Variants in AGAP5 observed in about 807,000 individuals in gnomAD.
The protein encoded by AGAP5 is arf-GAP with GTPase, ANK repeat and PH domain-containing protein 5.
A neutral mutation model predicts 27.7 loss-of-function variants in AGAP5; 8 were observed. The observed-to-expected ratio is 0.29, with a 90% CI of 0.17 to 0.52. The LOEUF is 0.52. AGAP5 is among the 20% of genes least tolerant of loss of function. The pLI, the probability that AGAP5 is intolerant of heterozygous loss-of-function variation, is 0.97. For missense variants in AGAP5, 285 were observed against 880.8 expected, an observed-to-expected ratio of 0.32 and a Z score of 8.56; for synonymous variants, 111 against 338.0, an observed-to-expected ratio of 0.33 and a Z score of 7.37.
At chr10:73,695,956 C>T (rs1269542415) in intron 2 of AGAP5, among the ~76,000 whole-genome samples, 2 of 152,136 alleles carry the variant, frequency 1.3e-5, no homozygotes, top group Non-Finnish European at 2.9e-5. Flanking sequence ...TCTTTTCTAC[C>T]AGCTCCCATC....
intron 7 of AGAP5, among the ~76,000 whole-genome samples, 156 bp from the exon 8 acceptor site, chr10:73,676,230 G>A (rs2081977717): frequency 6.8e-6 from 1 of 146,688 alleles, no homozygotes; most frequent in South Asian, 2.2e-4. Flanking sequence ...GCCAAGGTGG[G>A]TGGATCACGA....
intron 5 of AGAP5, among the ~76,000 whole-genome samples, chr10:73,680,419 GTATT>G (rs1296087730): frequency 1.3e-5 from 2 of 149,718 alleles, no homozygotes; most frequent in African/African-American, 2.5e-5. Flanking sequence ...TTTATTTTAT[GTATT>G]TATTTATTTT....
Position 73,674,337 on chromosome 10 carries a change from T to A in AGAP5, c.*262A>T, listed in dbSNP as rs561259934. On this transcript the variant is annotated 3_prime_UTR_variant, in exon 8 of 8. Coordinates refer to ENST00000374094, the MANE Select transcript of AGAP5 (RefSeq NM_001144000.4). ...CAAATATATTTTCACACATTTTATCTAAATACATAATACAGAAGCCTGTGT... is the reference window on the plus strand; with the variant it reads ...CAAATATATTTTCACACATTTTATCAAAATACATAATACAGAAGCCTGTGT... The A allele has an allele frequency of 0.015, 10,240 of 676,444 alleles. 206 individuals are homozygous for A. The highest frequency in any genetic ancestry group is 0.065 in the South Asian group (3,059 of 46,998). 41.9% of individuals were successfully genotyped at this position (676,444 alleles called of 1,614,324 possible).
Position 73,697,627 on chromosome 10 carries a change from C to T in AGAP5, c.129G>A (p.Ala43=), listed in dbSNP as rs372440999. ...EAGAGDRMAG[A]PMAAAVQPAE... ...CAGGCTGCACAGCAGCAGCCATGGGCGCTCCTGCCATCCTGTCCCCAGCTC... is the reference window on the plus strand; with the variant it reads ...CAGGCTGCACAGCAGCAGCCATGGGTGCTCCTGCCATCCTGTCCCCAGCTC... Residue 43 remains alanine (A), a synonymous_variant, in exon 1 of 8, where the codon GCG becomes GCA. Transcript: ENST00000374094. 1.7e-4 allele frequency: 275 copies of T among 1,607,676 alleles called. No homozygotes were observed. Among genetic ancestry groups the T allele is most frequent in the African/African-American group, 1.4e-3 (105 of 75,006 alleles).
Position 73,674,672 on chromosome 10 carries a change from T to C in AGAP5, c.1988A>G (p.Tyr663Cys), listed in dbSNP as rs1181448085. 4 of 1,611,898 alleles carry C rather than the reference T, an allele frequency of 2.5e-6. No individual in the cohort carries two copies. Among genetic ancestry groups the C allele is most frequent in the South Asian group, 1.1e-5 (1 of 90,984 alleles). Residue 663 changes from tyrosine to cysteine, a missense_variant, in exon 8 of 8, where the codon TAC (tyrosine) becomes TGC (cysteine). Transcript: ENST00000374094. ...RDAHGNTALT[Y>C]ARQASSQECI... Reference sequence around the variant, plus strand: ...CTCCTGGCTGGAGGCCTGCCGGGCGTAGGTCAGCGCTGTGTTCCCGTGGGC... The same window carrying C: ...CTCCTGGCTGGAGGCCTGCCGGGCGCAGGTCAGCGCTGTGTTCCCGTGGGC...
chr10:73,695,804 T>G (rs1467384300), intron 2 of AGAP5, among the ~76,000 whole-genome samples: 1 of 152,090 alleles, frequency 6.6e-6, no homozygotes, highest in Admixed American at 6.5e-5. Flanking sequence ...ATAAGCCAAC[T>G]GGATTTAATA....
chr10:73,697,399 G>C, intron 1 of AGAP5, 134 bp downstream of exon 1: 2 of 1,573,978 alleles, frequency 1.3e-6, no homozygotes. Context: ...GCCAGCTTTT[G>C]TTCCTGGCCA....
chr10:73,690,197 C>T (rs1300228901), intron 4 of AGAP5, among the ~76,000 whole-genome samples: 1 of 152,222 alleles, frequency 6.6e-6, no homozygotes, highest in Non-Finnish European at 1.5e-5. Context: ...ATTGAGAAAT[C>T]GGATGGTTGC....
At chr10:73,695,599 CATTT>C (rs2082154504) in intron 2 of AGAP5, among the ~76,000 whole-genome samples, 2 of 152,234 alleles carry the variant, frequency 1.3e-5, no homozygotes, top group Non-Finnish European at 2.9e-5. Context: ...TCACATAATA[CATTT>C]GTTTATTCTA....
intron 6 of AGAP5, among the ~76,000 whole-genome samples, chr10:73,678,594 C>A (rs2081998881): frequency 6.6e-6 from 1 of 152,106 alleles, no homozygotes; most frequent in African/African-American, 2.4e-5. Flanking sequence ...AAACATAAGC[C>A]AATATATTCC....
intron 4 of AGAP5, among the ~76,000 whole-genome samples, chr10:73,688,255 A>C (rs1257461973): frequency 1.3e-5 from 2 of 152,238 alleles, no homozygotes; most frequent in Non-Finnish European, 2.9e-5. Context: ...CTTTCCAGGC[A>C]GAAAATTGGG....
At chr10:73,687,541 A>C (rs3998244) in intron 4 of AGAP5, among the ~76,000 whole-genome samples, 1 of 152,086 alleles carries the variant, frequency 6.6e-6, no homozygotes, top group South Asian at 2.1e-4. Flanking sequence ...ACAGCTCCAT[A>C]TATGTTGTGA....
At chr10:73,693,006 A>T (rs1377381603) in intron 3 of AGAP5, among the ~76,000 whole-genome samples, 1 of 152,036 alleles carries the variant, frequency 6.6e-6, no homozygotes, top group Admixed American at 6.6e-5. Flanking sequence ...CAGCACAAAA[A>T]ATCATTTTTT....
At chr10:73,678,098 G>A (rs2081994976) in intron 6 of AGAP5, among the ~76,000 whole-genome samples, 1 of 151,290 alleles carries the variant, frequency 6.6e-6, no homozygotes, top group Non-Finnish European at 1.5e-5. Context: ...TTATTTAAAA[G>A]TACAACTGGG....
intron 4 of AGAP5, among the ~76,000 whole-genome samples, chr10:73,688,958 T>C (rs2082087520): frequency 6.6e-6 from 1 of 152,040 alleles, no homozygotes; most frequent in East Asian, 1.9e-4. Flanking sequence ...CTCCTCTGTC[T>C]CCTCTGCCTC....
intron 4 of AGAP5, among the ~76,000 whole-genome samples, chr10:73,685,996 A>C (rs2082060670): frequency 6.6e-6 from 1 of 152,148 alleles, no homozygotes; most frequent in African/African-American, 2.4e-5. Context: ...GCAATCTATA[A>C]ATTCAATGCA....
chr10:73,689,294 T>C (rs1589474061), intron 4 of AGAP5, among the ~76,000 whole-genome samples: 1 of 152,234 alleles, frequency 6.6e-6, no homozygotes, highest in Non-Finnish European at 1.5e-5. Flanking sequence ...CAGTGCTCAA[T>C]GGTGCCCAGG....
Position 73,697,589 on chromosome 10 carries a change from A to G in AGAP5, c.167T>C (p.Val56Ala), listed in dbSNP as rs1554963134. The change falls in exon 1 of 8, where the codon GTT becomes GCT. Residue 56 changes from valine (V) to alanine (A), a missense_variant. By Grantham distance (64) the Val-to-Ala change is moderately conservative (BLOSUM62 0). Transcript: ENST00000374094. ...CATGTGGAGGTCCTCACCAACTTCA[A>G]CGGTCACCTCAGCAGGCTGCACAGC... is the stretch of plus-strand genomic sequence containing the variant. ...AAAVQPAEVT[V>A]EVGEDLHMHH... The G allele has an allele frequency of 6.2e-7, 1 of 1,612,254 alleles. No individual in the cohort carries two copies. Among genetic ancestry groups the G allele is most frequent in the South Asian group, 1.1e-5 (1 of 91,054 alleles).
At chr10:73,689,888 C>T (rs2082101044) in intron 4 of AGAP5, among the ~76,000 whole-genome samples, 1 of 150,452 alleles carries the variant, frequency 6.6e-6, no homozygotes, top group Non-Finnish European at 1.5e-5. Context: ...CGGCCAGCCG[C>T]CCCGTCCGGG....
Sources: allele counts gnomAD v4.1 joint callset (sites outside exome capture counted in the v4.1 genomes callset), GRCh38; gene constraint gnomAD v4.1.1; transcripts MANE v1.5; gene names NCBI Gene and HGNC (gene_info 2026-07-23, HGNC 2026-07-21).